The following ARHGAP24 variants were observed in gnomAD, a reference collection of about 807,000 sequenced individuals.
The protein encoded by ARHGAP24 is rho GTPase-activating protein 24.
A neutral mutation model predicts 76.4 loss-of-function variants in ARHGAP24; 50 were observed. That is an observed-to-expected ratio of 0.65 (90% CI 0.52 to 0.83). The LOEUF is 0.83. ARHGAP24 is among the 40% of genes least tolerant of loss of function. ARHGAP24 has a pLI of 0.00. For synonymous variants in ARHGAP24, 345 were observed against 323.3 expected (o/e 1.07, Z -0.72); for missense variants, 930 against 914.2 (o/e 1.02, Z -0.22).
At chr4:85,672,919 C>A (rs1482097) in intron 2 of ARHGAP24, among the ~76,000 whole-genome samples, 15,431 of 152,026 alleles carry the variant, frequency 0.1, 2,635 homozygotes, top group African/African-American at 0.35. Context: ...GTAATAGCAC[C>A]CTATCTTTAA....
chr4:85,905,000 T>A (rs1204216077), intron 3 of ARHGAP24, among the ~76,000 whole-genome samples: 1 of 152,116 alleles, frequency 6.6e-6, no homozygotes. Flanking sequence ...CCTAACATAG[T>A]GCTTAGGGGA....
intron 1 of ARHGAP24, among the ~76,000 whole-genome samples, chr4:85,545,495 C>G (rs1725887296): frequency 6.6e-6 from 1 of 152,162 alleles, no homozygotes; most frequent in South Asian, 2.1e-4. Context: ...ATTCTTTCCC[C>G]TTGGGCTGAG....
intron 1 of ARHGAP24, among the ~76,000 whole-genome samples, chr4:85,526,496 G>T (rs910656392): frequency 3.3e-5 from 5 of 151,902 alleles, no homozygotes; most frequent in African/African-American, 7.3e-5. Flanking sequence ...AGAAAACTTA[G>T]TGATTTGGGG....
chr4:85,626,700 C>T (rs7659175), intron 2 of ARHGAP24, among the ~76,000 whole-genome samples: 86,247 of 151,950 alleles, frequency 0.57, 25,396 homozygotes, highest in Non-Finnish European at 0.64. Context: ...CTCCCCATCA[C>T]TTTCAGGTAC....
intron 1 of ARHGAP24, among the ~76,000 whole-genome samples, 165 bp from the exon 2 acceptor site, chr4:85,570,357 T>C (rs1727074382): frequency 6.8e-6 from 1 of 146,278 alleles, no homozygotes; most frequent in South Asian, 2.2e-4. Context: ...TTCTTCTTTC[T>C]TTCTTTCTCT....
At chr4:85,578,030 C>T (rs1410436353) in intron 2 of ARHGAP24, among the ~76,000 whole-genome samples, 1 of 152,138 alleles carries the variant, frequency 6.6e-6, no homozygotes, top group African/African-American at 2.4e-5. Flanking sequence ...CTTACATTTT[C>T]CCTGCCTTTA....
chr4:85,704,534 A>G (rs974363685), intron 2 of ARHGAP24, among the ~76,000 whole-genome samples: 1 of 152,214 alleles, frequency 6.6e-6, no homozygotes. Flanking sequence ...TTGCCAAAGT[A>G]CCTTCATGAA....
intron 3 of ARHGAP24, among the ~76,000 whole-genome samples, chr4:85,834,320 TTAAA>T (rs1730153444): frequency 1.3e-5 from 2 of 152,290 alleles, no homozygotes; most frequent in South Asian, 2.1e-4. Context: ...CTTTTTTATG[TTAAA>T]TAAATGAATG....
At chr4:85,909,542 G>C (rs772239104) in intron 3 of ARHGAP24, among the ~76,000 whole-genome samples, 3 of 152,196 alleles carry the variant, frequency 2.0e-5, no homozygotes, top group Middle Eastern at 3.4e-3. Context: ...CCAAATTTAG[G>C]TTGGTAATTA....
chr4:85,524,534 G>T (rs1560519403), intron 1 of ARHGAP24, among the ~76,000 whole-genome samples: 1 of 152,158 alleles, frequency 6.6e-6, no homozygotes. Flanking sequence ...TCACAGCCCT[G>T]CATGATTGAT....
intron 2 of ARHGAP24, among the ~76,000 whole-genome samples, chr4:85,687,633 T>C (rs1218900924): frequency 1.3e-5 from 2 of 152,216 alleles, no homozygotes; most frequent in African/African-American, 4.8e-5. Context: ...GTTGTATATA[T>C]ACCATATATT....
At chr4:85,798,764 T>C (rs1728464719) in intron 3 of ARHGAP24, among the ~76,000 whole-genome samples, 1 of 152,212 alleles carries the variant, frequency 6.6e-6, no homozygotes, top group South Asian at 2.1e-4. Flanking sequence ...TAGTTAAAAA[T>C]TGTAGCAAAT....
chr4:85,574,092 TG>T (rs1727262556), intron 2 of ARHGAP24, among the ~76,000 whole-genome samples: 1 of 152,256 alleles, frequency 6.6e-6, no homozygotes, highest in Non-Finnish European at 1.5e-5. Flanking sequence ...ACTTGCTTTT[TG>T]TTTTTTTACT....
At chr4:85,792,313 A>G (rs1370488002) in intron 3 of ARHGAP24, among the ~76,000 whole-genome samples, 1 of 152,210 alleles carries the variant, frequency 6.6e-6, no homozygotes, top group Non-Finnish European at 1.5e-5. Context: ...TCCTGAAGAA[A>G]CATCCTAAAA....
In ARHGAP24 at chr4:85,994,900, C is replaced by T. The variant is rs771754934; in HGVS notation, c.1246C>T (p.Pro416Ser). ...TCACAAGCTAGATGTGTCTAGAAGCCCCCCTCTCATGGTCAAAAAGAACCC... is the reference window on the plus strand; with the variant it reads ...TCACAAGCTAGATGTGTCTAGAAGCTCCCCTCTCATGGTCAAAAAGAACCC... ...SVHKLDVSRS[P>S]PLMVKKNPAF... The change falls in exon 9 of 10, where the codon CCC (proline) becomes TCC (serine). Residue 416 changes from proline (P) to serine (S), a missense_variant. Pro to Ser is a moderately conservative substitution (Grantham distance 74). Transcript: ENST00000395184. 1 of 1,614,002 alleles carries T rather than the reference C, an allele frequency of 6.2e-7. No individual in the cohort carries two copies. The highest frequency in any genetic ancestry group is 1.1e-5 in the South Asian group (1 of 91,060).
chr4:85,511,685 A>G (rs1191106926), intron 1 of ARHGAP24, among the ~76,000 whole-genome samples: 1 of 151,966 alleles, frequency 6.6e-6, no homozygotes, highest in African/African-American at 2.4e-5. Flanking sequence ...GGTTGGTCTC[A>G]GTCTCCCGAC....
intron 2 of ARHGAP24, among the ~76,000 whole-genome samples, chr4:85,673,057 G>T (rs1332770202): frequency 6.6e-6 from 1 of 152,136 alleles, no homozygotes. Flanking sequence ...CAGTGGATGT[G>T]GCATGGCTTT....
intron 2 of ARHGAP24, among the ~76,000 whole-genome samples, chr4:85,589,147 G>A (rs1360691301): frequency 6.6e-6 from 1 of 152,160 alleles, no homozygotes; most frequent in Non-Finnish European, 1.5e-5. Flanking sequence ...TTGCATGTAG[G>A]TGAATTATGT....
At chr4:85,488,066 C>T (rs925345186) in intron 1 of ARHGAP24, among the ~76,000 whole-genome samples, 1 of 150,620 alleles carries the variant, frequency 6.6e-6, no homozygotes, top group Non-Finnish European at 1.5e-5. Context: ...GCCACCACGC[C>T]CGGCTAATTT....
Sources: gnomAD v4.1 joint callset for allele counts (sites outside exome capture counted in the v4.1 genomes callset) on GRCh38, gnomAD v4.1.1 for gene constraint, MANE v1.5 for transcripts, NCBI Gene and HGNC (gene_info 2026-07-23, HGNC 2026-07-21) for gene names.